IRAG2: variants seen among roughly 807,000 people sequenced by gnomAD.
IRAG2 encodes lymphoid restricted membrane protein.
A neutral mutation model predicts 69.9 loss-of-function variants in IRAG2; 45 were observed. The ratio of observed to expected loss-of-function variants is 0.64; its 90% CI spans 0.51 to 0.83. The LOEUF (loss-of-function observed/expected upper bound fraction) is 0.83. Ranked by LOEUF, IRAG2 falls within the 40% of genes least tolerant of loss-of-function variation. IRAG2 has a pLI of 0.00. For synonymous variants in IRAG2, 193 were observed against 202.4 expected (o/e 0.95, Z 0.40); for missense variants, 520 against 587.0 (o/e 0.89, Z 1.18).
chr12:25,077,855 C>A (rs918714295), intron 6 of IRAG2, among the ~76,000 whole-genome samples: 9 of 152,146 alleles, frequency 5.9e-5, no homozygotes, highest in African/African-American at 1.9e-4. Flanking sequence ...ATCATTGATG[C>A]AGAAGTAGGT....
chr12:25,026,763 T>A, intron 8 of IRAG2: 1 of 1,117,034 alleles, frequency 9.0e-7, no homozygotes, highest in East Asian at 3.2e-5. Context: ...TGGTGCTAAA[T>A]CCAAGAATAC....
intron 3 of IRAG2, among the ~76,000 whole-genome samples, chr12:25,012,443 C>T (rs1944484402): frequency 1.3e-5 from 2 of 151,936 alleles, no homozygotes; most frequent in South Asian, 4.2e-4. Flanking sequence ...GTGTGAGCCA[C>T]CCACTGCACC....
exon 3 of IRAG2, chr12:25,011,403 C>T (rs1443335961): frequency 8.1e-7 from 1 of 1,231,532 alleles, no homozygotes; most frequent in Non-Finnish European, 1.0e-6. Context: ...AATCAATTTC[C>T]TGAGACAAAC....
At chr12:25,019,326 C>A (rs964307743) in intron 6 of IRAG2, among the ~76,000 whole-genome samples, 6 of 152,200 alleles carry the variant, frequency 3.9e-5, no homozygotes, top group African/African-American at 1.4e-4. Context: ...TCTTGTCCAA[C>A]ATCCAGGAAG....
chr12:25,080,035 C>T (rs1207567941), intron 9 of IRAG2, among the ~76,000 whole-genome samples: 2 of 151,668 alleles, frequency 1.3e-5, no homozygotes, highest in Non-Finnish European at 2.9e-5. Flanking sequence ...ACAAATATTT[C>T]CTATGGCAAA....
exon 7 of IRAG2, chr12:25,020,797 C>A: frequency 1.6e-6 from 2 of 1,230,658 alleles, no homozygotes; most frequent in Non-Finnish European, 2.0e-6. Context: ...CAGTGCCCAC[C>A]AGGCTATTAT....
At chr12:25,063,347 C>T (rs1206138994) in intron 3 of IRAG2, among the ~76,000 whole-genome samples, 3 of 152,094 alleles carry the variant, frequency 2.0e-5, no homozygotes, top group African/African-American at 4.8e-5. Flanking sequence ...CCACCGCACC[C>T]GGCCTGTTTT....
chr12:25,100,171 G>T (rs1418270733), intron 15 of IRAG2, among the ~76,000 whole-genome samples: 2 of 151,908 alleles, frequency 1.3e-5, no homozygotes, highest in Admixed American at 1.3e-4. Context: ...CCACGAGGAT[G>T]GCTATGGTGA....
At chr12:25,095,366 C>T (rs1422511182) in intron 14 of IRAG2, among the ~76,000 whole-genome samples, 1 of 152,054 alleles carries the variant, frequency 6.6e-6, no homozygotes, top group Non-Finnish European at 1.5e-5. Context: ...TGTGTTCAAT[C>T]TTATCACATG....
chr12:25,030,576 G>A (rs1378415523), intron 10 of IRAG2, among the ~76,000 whole-genome samples: 1 of 152,048 alleles, frequency 6.6e-6, no homozygotes, highest in Non-Finnish European at 1.5e-5. Context: ...TAGTAGAGAC[G>A]GGGTTTCCTC....
chr12:24,999,277 T>C, the IRAG2 span, among the ~76,000 whole-genome samples: 1 of 152,220 alleles, frequency 6.6e-6, no homozygotes, highest in South Asian at 2.1e-4. Context: ...AAATCAAATA[T>C]ATAACGAATA....
chr12:25,092,948 A>G (rs1948168899), intron 14 of IRAG2: 1 of 154,162 alleles, frequency 6.5e-6, no homozygotes, highest in East Asian at 1.9e-4. Flanking sequence ...CTCATCCTGG[A>G]CTTCAGTCAA....
chr12:25,015,461 T>C, intron 5 of IRAG2: 5 of 1,170,846 alleles, frequency 4.3e-6, no homozygotes, highest in Non-Finnish European at 5.4e-6. Flanking sequence ...CGCAAGTGTT[T>C]CAACTTCATT....
intron 5 of IRAG2, among the ~76,000 whole-genome samples, chr12:25,015,933 C>G (rs181849248): frequency 1.2e-4 from 18 of 152,302 alleles, no homozygotes; most frequent in Admixed American, 9.1e-4. Context: ...CGGTGCCTCA[C>G]GCCTGTAATC....
intron 7 of IRAG2, 21 bp from the exon 8 acceptor site, chr12:25,079,375 CAT>C (rs1359029093): frequency 6.2e-7 from 1 of 1,610,548 alleles, no homozygotes; most frequent in East Asian, 2.2e-5. Flanking sequence ...CATTCCAAAA[CAT>C]GTTTGCTATC....
At chr12:25,072,170 C>T (rs939219850) in intron 6 of IRAG2, among the ~76,000 whole-genome samples, 2 of 151,888 alleles carry the variant, frequency 1.3e-5, no homozygotes, top group African/African-American at 2.4e-5. Flanking sequence ...TGCCATTGTT[C>T]TCCAGCTTGG....
intron 8 of IRAG2, among the ~76,000 whole-genome samples, chr12:25,024,274 C>T (rs1051482648): frequency 4.6e-5 from 7 of 152,076 alleles, no homozygotes; most frequent in African/African-American, 9.7e-5. Flanking sequence ...CTTGAGTCTA[C>T]GATTCAGATC....
intron 14 of IRAG2, 100 bp downstream of exon 14, chr12:25,090,297 C>T: frequency 3.7e-6 from 4 of 1,084,418 alleles, no homozygotes; most frequent in East Asian, 5.0e-5. Flanking sequence ...GCAGGAGGAT[C>T]ATGGGAGACC....
At chr12:25,104,302 A>G in intron 19 of IRAG2, 59 bp from the exon 20 acceptor site, 1 of 1,176,532 alleles carries the variant, frequency 8.5e-7, no homozygotes, top group African/African-American at 1.5e-5. Flanking sequence ...TAGGAAATAA[A>G]TTGATAATGG....
Sources: allele counts gnomAD v4.1 joint callset (sites outside exome capture counted in the v4.1 genomes callset), GRCh38; gene constraint gnomAD v4.1.1; transcripts MANE v1.5; gene names NCBI Gene and HGNC (gene_info 2026-07-23, HGNC 2026-07-21).